GNA12: variants seen among roughly 807,000 people sequenced by gnomAD.
GNA12 encodes G protein subunit alpha 12.
In GNA12, 9 loss-of-function variants were observed where a neutral mutation model predicts 26.0. The ratio of observed to expected loss-of-function variants is 0.35; its 90% CI spans 0.21 to 0.60. The LOEUF is 0.60. Ranked by LOEUF, GNA12 falls within the 20% of genes least tolerant of loss-of-function variation. The pLI, the probability that GNA12 is intolerant of heterozygous loss-of-function variation, is 0.78. For synonymous variants in GNA12, 264 were observed against 219.6 expected (o/e 1.20, Z -1.79); for missense variants, 405 against 525.8 (o/e 0.77, Z 2.25).
intron 2 of GNA12, among the ~76,000 whole-genome samples, chr7:2,750,238 T>C (rs1330383031): frequency 2.0e-5 from 3 of 152,170 alleles, no homozygotes; most frequent in African/African-American, 7.2e-5. Flanking sequence ...CCAGCTCTGC[T>C]TAGACCCATC....
rs544610973 is a variant in GNA12 at position 2,828,970 on chromosome 7, G to A, written c.309+14883C>T. ...TGCCTGCAGTCCCAGCTACTTGGGAGGCTGAGGTGAGAGGATGGCTTGGGC... is the reference window on the plus strand; with the variant it reads ...TGCCTGCAGTCCCAGCTACTTGGGAAGCTGAGGTGAGAGGATGGCTTGGGC... On this transcript the variant is annotated intron_variant, in intron 1 of 3. Transcript: ENST00000275364. 8.5e-5 allele frequency among the ~76,000 whole-genome samples: 13 copies of A among 152,214 alleles called. No homozygotes were observed. The South Asian group carries it at 2.5e-3, about 29-fold the overall frequency.
At chr7:2,734,723 T>G (rs1790071804) in intron 2 of GNA12, among the ~76,000 whole-genome samples, 1 of 152,200 alleles carries the variant, frequency 6.6e-6, no homozygotes, top group Non-Finnish European at 1.5e-5. Flanking sequence ...AAAGTGAGTG[T>G]TTTGTTTGAG....
intron 2 of GNA12, among the ~76,000 whole-genome samples, chr7:2,786,432 C>T (rs1222717050): frequency 6.6e-6 from 1 of 152,014 alleles, no homozygotes. Context: ...TGTCAATAGC[C>T]AACTAAGAAG....
intron 2 of GNA12, among the ~76,000 whole-genome samples, chr7:2,751,703 T>C (rs1011687671): frequency 4.6e-5 from 7 of 152,230 alleles, no homozygotes; most frequent in Admixed American, 1.3e-4. Context: ...CCGTCAAACA[T>C]TGACAGGTAT....
chr7:2,743,719 C>T (rs1012251579), intron 2 of GNA12, among the ~76,000 whole-genome samples: 31 of 152,284 alleles, frequency 2.0e-4, no homozygotes, highest in South Asian at 6.2e-4. Flanking sequence ...CGAAGCAGGG[C>T]GAGGCACTGC....
chr7:2,770,948 CTTGCAGAG>C (rs1481051245), intron 2 of GNA12, among the ~76,000 whole-genome samples: 1 of 152,146 alleles, frequency 6.6e-6, no homozygotes. Context: ...CTGATGACTC[CTTGCAGAG>C]CAAATGGACA....
chr7:2,809,937 A>C (rs1393364273), intron 1 of GNA12, among the ~76,000 whole-genome samples: 2 of 152,256 alleles, frequency 1.3e-5, no homozygotes, highest in Non-Finnish European at 2.9e-5. Context: ...AATTTCTATG[A>C]TTAATACAAT....
At chr7:2,757,181 G>A (rs2115383566) in intron 2 of GNA12, among the ~76,000 whole-genome samples, 1 of 141,786 alleles carries the variant, frequency 7.1e-6, no homozygotes, top group South Asian at 2.2e-4. Context: ...TGTCACCCAG[G>A]CTGGAGTGTA....
At chr7:2,800,635 T>G (rs1792786040) in intron 1 of GNA12, among the ~76,000 whole-genome samples, 1 of 152,108 alleles carries the variant, frequency 6.6e-6, no homozygotes, top group African/African-American at 2.4e-5. Flanking sequence ...CGATGTGATG[T>G]GGAGAGGGAG....
chr7:2,768,205 T>G (rs751162507), intron 2 of GNA12, among the ~76,000 whole-genome samples: 15 of 152,240 alleles, frequency 9.9e-5, no homozygotes, highest in Non-Finnish European at 2.1e-4. Flanking sequence ...GCTTTGCTAC[T>G]AAACAAGTCC....
chr7:2,841,068 AC>A (rs1204072279), intron 1 of GNA12, among the ~76,000 whole-genome samples: 15 of 152,244 alleles, frequency 9.9e-5, no homozygotes, highest in African/African-American at 3.6e-4. Context: ...GAACTAGGAT[AC>A]CAGTTAACAC....
At chr7:2,800,634 G>A (rs1792785991) in intron 1 of GNA12, among the ~76,000 whole-genome samples, 1 of 152,202 alleles carries the variant, frequency 6.6e-6, no homozygotes, top group South Asian at 2.1e-4. Context: ...ACGATGTGAT[G>A]TGGAGAGGGA....
At chr7:2,794,113 G>C (rs1044343713) in intron 2 of GNA12, among the ~76,000 whole-genome samples, 4 of 152,032 alleles carry the variant, frequency 2.6e-5, no homozygotes, top group Admixed American at 2.6e-4. Flanking sequence ...ACTAAGAAAT[G>C]ACTTATATGA....
intron 2 of GNA12, among the ~76,000 whole-genome samples, chr7:2,751,365 T>C (rs1319039958): frequency 2.2e-5 from 3 of 134,962 alleles, no homozygotes; most frequent in African/African-American, 8.4e-5. Flanking sequence ...CAATCCAGTA[T>C]AGGCAACAGA....
intron 1 of GNA12, chr7:2,835,482 T>C (rs548071459): frequency 3.3e-4 from 124 of 371,852 alleles, no homozygotes; most frequent in African/African-American, 2.4e-3. Context: ...TCCCAGCTTT[T>C]AGGGATCATT....
At chr7:2,755,562 T>C (rs556381461) in intron 2 of GNA12, among the ~76,000 whole-genome samples, 2 of 152,236 alleles carry the variant, frequency 1.3e-5, no homozygotes, top group African/African-American at 4.8e-5. Context: ...TGTTAGTCTA[T>C]AGAAGTAAAA....
intron 2 of GNA12, among the ~76,000 whole-genome samples, chr7:2,733,710 C>A (rs1790016698): frequency 6.6e-6 from 1 of 152,206 alleles, no homozygotes; most frequent in Non-Finnish European, 1.5e-5. Context: ...TTAGCTCCAA[C>A]CCCAAGGTTC....
At chr7:2,792,407 C>T (rs1792543174) in intron 2 of GNA12, among the ~76,000 whole-genome samples, 1 of 152,208 alleles carries the variant, frequency 6.6e-6, no homozygotes, top group African/African-American at 2.4e-5. Flanking sequence ...GAGGTCCCTT[C>T]CAGCACTGAC....
intron 1 of GNA12, among the ~76,000 whole-genome samples, chr7:2,812,089 A>G (rs1793094750): frequency 6.6e-6 from 1 of 152,270 alleles, no homozygotes; most frequent in Non-Finnish European, 1.5e-5. Flanking sequence ...AAAACTCTCA[A>G]GAGAACTTGC....
Sources: allele counts gnomAD v4.1 joint callset (sites outside exome capture counted in the v4.1 genomes callset), GRCh38; gene constraint gnomAD v4.1.1; transcripts MANE v1.5; gene names NCBI Gene and HGNC (gene_info 2026-07-23, HGNC 2026-07-21).